The following PWP2 variants were observed in gnomAD, a reference collection of about 807,000 sequenced individuals.
PWP2 encodes the protein periodic tryptophan protein 2 homolog.
For synonymous variants in PWP2, 24 were observed against 45.4 expected, an observed-to-expected ratio of 0.53 and a Z score of 1.89; for missense variants, 35 against 114.1, an observed-to-expected ratio of 0.31 and a Z score of 3.16.
intron 7 of PWP2, among the ~76,000 whole-genome samples, chr21:44,117,271 G>A (rs2299821): frequency 2.2e-5 from 1 of 46,354 alleles, no homozygotes; most frequent in African/African-American, 4.3e-5. Context: ...CCTGCTAGGC[G>A]GGGACTGCGG....
intron 20 of PWP2, among the ~76,000 whole-genome samples, chr21:44,129,062 TTGC>T (rs1216765927): frequency 1.4e-5 from 1 of 71,018 alleles, no homozygotes; most frequent in African/African-American, 3.1e-5. Context: ...AAGGGTGCTG[TTGC>T]TGCTGCTGCG....
intron 7 of PWP2, among the ~76,000 whole-genome samples, chr21:44,116,299 TG>T: frequency 1.6e-5 from 1 of 60,708 alleles, no homozygotes; most frequent in South Asian, 5.1e-4. Context: ...GATAGTCCCT[TG>T]GCCTCGTGCA....
rs752989209 is a variant in PWP2, at chr21:44,109,055, C to T, written c.90C>T (p.Ile30=). 5.0e-6 allele frequency: 3 copies of T among 604,356 alleles called. 1 individual carries two copies. The highest frequency in any genetic ancestry group is 5.4e-6 in the Non-Finnish European group (2 of 368,954). The allele number at this position is 604,356 out of a possible 1,614,324, so 37.4% of individuals were successfully genotyped here. A position where few individuals can be genotyped will look rare whatever the true frequency, so the allele number is the denominator to read the frequency against. Residue 30 remains isoleucine (I), a synonymous_variant, in exon 2 of 21, where the codon ATC becomes ATT. Transcript: ENST00000291576. The stretch of plus-strand genomic sequence containing the variant: ...TTACCTGCGATGGAAATTCAGTTAT[C>T]AGTCCCGTGGGCAATAGAGTCACTG... ...LNFTCDGNSV[I]SPVGNRVTVF...
At chr21:44,117,039 G>T (rs1387293174) in intron 7 of PWP2, among the ~76,000 whole-genome samples, 2 of 58,320 alleles carry the variant, frequency 3.4e-5, no homozygotes, top group African/African-American at 7.3e-5. Context: ...GAGTTGGAGG[G>T]TGGCCAGAAC....
Position 44,117,038 on chromosome 21 carries a change from G to A in PWP2, c.837-782G>A, listed in dbSNP as rs1214328616. Among the ~76,000 whole-genome samples the A allele has an allele frequency of 3.4e-5, 2 of 58,056 alleles. 1 individual carries two copies. Among genetic ancestry groups the A allele is most frequent in the Non-Finnish European group, 1.1e-4 (2 of 17,538 alleles). The allele number at this position is 58,056 out of a possible 152,430, so 38.1% of individuals were successfully genotyped here. A position where few individuals can be genotyped will look rare whatever the true frequency, so the allele number is the denominator to read the frequency against. On this transcript the variant is annotated intron_variant, in intron 7 of 20. Transcript: ENST00000291576. Reference sequence around the variant, plus strand: ...TTTGCCAAGGGCAGCGGAGTTGGAGGGTGGCCAGAACAGGTCCAAGTGGGT... The same window carrying A: ...TTTGCCAAGGGCAGCGGAGTTGGAGAGTGGCCAGAACAGGTCCAAGTGGGT...
In PWP2 at chr21:44,117,172, T is replaced by C. The variant is rs1858665; in HGVS notation, c.837-648T>C. Among the ~76,000 whole-genome samples, 425 of 72,532 alleles carry C rather than the reference T, an allele frequency of 5.9e-3. 64 individuals are homozygous for C. The highest frequency in any genetic ancestry group is 0.014 in the Middle Eastern group (2 of 144). 47.6% of individuals were successfully genotyped at this position (72,532 alleles called of 152,430 possible). A position where few individuals can be genotyped will look rare whatever the true frequency, so the allele number is the denominator to read the frequency against. On this transcript the variant is annotated intron_variant, in intron 7 of 20. Transcript: ENST00000291576. Reference sequence around the variant, plus strand: ...TGTTGTGCTGGAGTCAAGACTTGAATGGGGACTGGAGGAAGAGGAAGGGAT... The same window carrying C: ...TGTTGTGCTGGAGTCAAGACTTGAACGGGGACTGGAGGAAGAGGAAGGGAT...
rs543968145 is a variant in PWP2, at chr21:44,109,230, A to G, written c.131+134A>G. ...GTGCACCCGTTAATTAAGGGAGCCCAGGACAGGACTACAGGACAGACTAGG... is the reference window on the plus strand; with the variant it reads ...GTGCACCCGTTAATTAAGGGAGCCCGGGACAGGACTACAGGACAGACTAGG... On this transcript the variant is annotated intron_variant, in intron 2 of 20. Coordinates refer to ENST00000291576, the MANE Select transcript of PWP2 (RefSeq NM_005049.3). The G allele has an allele frequency of 2.7e-5, 6 of 219,220 alleles. 1 individual carries two copies. Among genetic ancestry groups the G allele is most frequent in the African/African-American group, 1.4e-4 (6 of 43,004 alleles). The allele number at this position is 219,220 out of a possible 1,614,324, so 13.6% of individuals were successfully genotyped here. A position where few individuals can be genotyped will look rare whatever the true frequency, so the allele number is the denominator to read the frequency against.
chr21:44,117,089 C>T (rs1361217550), intron 7 of PWP2, among the ~76,000 whole-genome samples: 2 of 69,788 alleles, frequency 2.9e-5, no homozygotes, highest in African/African-American at 6.3e-5. Context: ...AGTCAGTGCC[C>T]GCGGGTGGGT....
chr21:44,120,327 G>A lies in PWP2; in HGVS notation c.1189-21G>A, dbSNP rs761007619. ...GCACACAGGGTTGGGGTCTGCCCCC[G>A]CCCCTCCTGTCCTGCCTCAGGTCAA... is the stretch of plus-strand genomic sequence containing the variant. On this transcript the variant is annotated intron_variant, in intron 10 of 20. Coordinates refer to ENST00000291576, the MANE Select transcript of PWP2 (RefSeq NM_005049.3). 8.1e-6 allele frequency: 5 copies of A among 616,028 alleles called. 2 individuals are homozygous for A. The East Asian group carries it at 1.8e-4, about 22-fold the overall frequency. The allele number at this position is 616,028 out of a possible 1,614,324, so 38.2% of individuals were successfully genotyped here.
Position 44,119,682 on chromosome 21 carries a change from A to T in PWP2, c.1188+159A>T, listed in dbSNP as rs2146274553. Among the ~76,000 whole-genome samples the T allele has an allele frequency of 6.4e-5, 2 of 31,058 alleles. 1 individual carries two copies. The highest frequency in any genetic ancestry group is 2.2e-3 in the South Asian group (2 of 900). 20.4% of individuals were successfully genotyped at this position (31,058 alleles called of 152,430 possible). On this transcript the variant is annotated intron_variant, in intron 10 of 20. Transcript: ENST00000291576. Reference sequence around the variant, plus strand: ...TAAAAACATACAAAAATGTGAATGGAGAGGGTTGGGTGTCCCTCTTTCCCC... The same window carrying T: ...TAAAAACATACAAAAATGTGAATGGTGAGGGTTGGGTGTCCCTCTTTCCCC...
rs116166895 is a variant in PWP2 at position 44,129,111 on chromosome 21, C to T, written c.2585+485C>T. 7.6e-3 allele frequency among the ~76,000 whole-genome samples: 548 copies of T among 72,352 alleles called. 140 individuals are homozygous for T. The highest frequency in any genetic ancestry group is 0.016 in the African/African-American group (531 of 33,078). 47.5% of individuals were successfully genotyped at this position (72,352 alleles called of 152,430 possible). On this transcript the variant is annotated intron_variant, in intron 20 of 20. Transcript: ENST00000291576. Reference sequence around the variant, plus strand: ...CGCGGGCCTAGGACAGGGCCTGGCCCTCCGCAGTGCTCACTCTGCAGGGGT... The same window carrying T: ...CGCGGGCCTAGGACAGGGCCTGGCCTTCCGCAGTGCTCACTCTGCAGGGGT...
chr21:44,129,630 CATT>C (rs936284722), intron 20 of PWP2, among the ~76,000 whole-genome samples: 2 of 1,784 alleles, frequency 1.1e-3, no homozygotes, highest in African/African-American at 1.9e-3. Context: ...TTTTTTAATT[CATT>C]ATTATTATTA....
intron 7 of PWP2, among the ~76,000 whole-genome samples, chr21:44,117,028 G>A (rs965115954): frequency 1.5e-4 from 8 of 52,568 alleles, no homozygotes; most frequent in African/African-American, 2.7e-4. Context: ...CAAGGGCAGC[G>A]GAGTTGGAGG....
At chr21:44,107,556 G>A in intron 1 of PWP2, 122 bp downstream of exon 1, 1 of 211,544 alleles carries the variant, frequency 4.7e-6, no homozygotes, top group African/African-American at 2.2e-5. Context: ...GCCGCGTGGG[G>A]GTCGCCGGCT....
In PWP2 at chr21:44,131,152, A is replaced by G. The variant is rs2146279166; in HGVS notation, c.*381A>G. The stretch of plus-strand genomic sequence containing the variant: ...GTTTTCTAACGTGAGGATGAAGTCT[A>G]CACTTCAGATTAAAAAGGGTTATGT... On this transcript the variant is annotated 3_prime_UTR_variant, in exon 21 of 21. Coordinates refer to ENST00000291576, the MANE Select transcript of PWP2 (RefSeq NM_005049.3). 1.4e-5 allele frequency: 1 copy of G among 69,258 alleles called. No individual in the cohort carries two copies. Among genetic ancestry groups the G allele is most frequent in the South Asian group, 4.5e-4 (1 of 2,234 alleles). 4.3% of individuals were successfully genotyped at this position (69,258 alleles called of 1,614,324 possible). A position where few individuals can be genotyped will look rare whatever the true frequency, so the allele number is the denominator to read the frequency against.
At position 44,117,090 on chromosome 21, in the gene PWP2, G is replaced by A. The variant is rs1407024245; in HGVS notation, c.837-730G>A. 4.3e-5 allele frequency among the ~76,000 whole-genome samples: 3 copies of A among 70,304 alleles called. 1 individual carries two copies. The highest frequency in any genetic ancestry group is 3.1e-4 in the Admixed American group (2 of 6,526). The allele number at this position is 70,304 out of a possible 152,430, so 46.1% of individuals were successfully genotyped here. On this transcript the variant is annotated intron_variant, in intron 7 of 20. Transcript: ENST00000291576. The stretch of plus-strand genomic sequence containing the variant: ...AGTGCCCACAAGTGAGTCAGTGCCC[G>A]CGGGTGGGTCAGTGCCCGTGAGTCC...
rs1387008505 is a variant in PWP2, at chr21:44,118,538, C to A, written c.981-225C>A. Among the ~76,000 whole-genome samples, 2 of 62,780 alleles carry A rather than the reference C, an allele frequency of 3.2e-5. 1 individual carries two copies. The highest frequency in any genetic ancestry group is 3.6e-4 in the Admixed American group (2 of 5,616). 41.2% of individuals were successfully genotyped at this position (62,780 alleles called of 152,430 possible). On this transcript the variant is annotated intron_variant, in intron 8 of 20. Transcript: ENST00000291576. ...CAGCCTGGTCTTGAACTCCTGGGTT[C>A]AAGCAATCCTTGCCTCCGCCTCCCA...
At chr21:44,113,986 GAGGCTGCGTCCCCGCCGC>G (rs1390209777) in intron 3 of PWP2, 139 bp downstream of exon 3, 1 of 26,080 alleles carries the variant, frequency 3.8e-5, no homozygotes, top group African/African-American at 1.4e-4. Flanking sequence ...TGTCATGGGC[GAGGCTGCGTCCCCGCCGC>G]AGGCTGTGTC....
chr21:44,127,672 CAA>C (rs1005762317), intron 17 of PWP2: 1 of 134,000 alleles, frequency 7.5e-6, no homozygotes, highest in African/African-American at 2.6e-5. Flanking sequence ...CTCCCGGCGT[CAA>C]GAGAGGAGGA....
Sources: gnomAD v4.1 joint callset for allele counts (sites outside exome capture counted in the v4.1 genomes callset) on GRCh38, gnomAD v4.1.1 for gene constraint, MANE v1.5 for transcripts, NCBI Gene and HGNC (gene_info 2026-07-23, HGNC 2026-07-21) for gene names.